Variants in TRMT44 observed in about 807,000 individuals in gnomAD.
TRMT44 encodes probable tRNA (uracil-O(2)-)-methyltransferase.
In TRMT44, 78 loss-of-function variants were observed where a neutral mutation model predicts 77.3. The ratio of observed to expected loss-of-function variants is 1.01; its 90% CI spans 0.84 to 1.22. The LOEUF is 1.22. Among genes scored for constraint, TRMT44 ranks in the 50% most tolerant of loss-of-function variants. TRMT44 has a pLI of 0.00. For synonymous variants in TRMT44, 391 were observed against 383.3 expected (o/e 1.02, Z -0.23); for missense variants, 1,090 against 964.4 (o/e 1.13, Z -1.73).
intron 9 of TRMT44, 23 bp downstream of exon 9, chr4:8,468,369 G>A (rs954020258): frequency 6.2e-7 from 1 of 1,611,828 alleles, no homozygotes; most frequent in African/African-American, 1.3e-5. Flanking sequence ...CCATCTTAGG[G>A]AGGGGCTAGC....
chr4:8,490,334 T>C (rs1259577826), intron 2 of TRMT44, among the ~76,000 whole-genome samples: 1 of 150,804 alleles, frequency 6.6e-6, no homozygotes, highest in Admixed American at 6.6e-5. Context: ...CTTAAGGTGG[T>C]GCGTCCGGAG....
At chr4:8,474,261 G>A (rs938735273) in intron 10 of TRMT44, among the ~76,000 whole-genome samples, 2 of 152,228 alleles carry the variant, frequency 1.3e-5, no homozygotes, top group Admixed American at 6.5e-5. Flanking sequence ...ACCCTTTAGA[G>A]GGTTCCAGGT....
At chr4:8,486,893 CGAGGAGCA>C (rs1046227086) in intron 2 of TRMT44, among the ~76,000 whole-genome samples, 3 of 151,664 alleles carry the variant, frequency 2.0e-5, no homozygotes, top group African/African-American at 7.3e-5. Flanking sequence ...CTCAGCCCGG[CGAGGAGCA>C]GCCCAGGGAG....
At chr4:8,455,117 T>C (rs770435988) in intron 6 of TRMT44, among the ~76,000 whole-genome samples, 2 of 152,240 alleles carry the variant, frequency 1.3e-5, no homozygotes, top group African/African-American at 2.4e-5. Context: ...AGGTGGGGGC[T>C]GTGCCCCGTG....
intron 6 of TRMT44, among the ~76,000 whole-genome samples, chr4:8,459,036 TAA>T (rs879600636): frequency 4.6e-5 from 6 of 131,574 alleles, no homozygotes; most frequent in Non-Finnish European, 4.9e-5. Flanking sequence ...CCATCTCTAC[TAA>T]AAAAAAAAAA....
downstream of TRMT44, among the ~76,000 whole-genome samples, chr4:8,480,374 T>C (rs2109212079): frequency 6.6e-6 from 1 of 152,320 alleles, no homozygotes; most frequent in South Asian, 2.1e-4. Flanking sequence ...TGTGTCCCTT[T>C]TCCCATGATG....
chr4:8,508,872 T>C, the TRMT44 span: 1 of 153,550 alleles, frequency 6.5e-6, no homozygotes, highest in Non-Finnish European at 1.4e-5. Flanking sequence ...GCCTTCCTCC[T>C]CCTCCTCCCG....
chr4:8,514,448 AT>A, the TRMT44 span, among the ~76,000 whole-genome samples: 1 of 150,680 alleles, frequency 6.6e-6, no homozygotes, highest in Non-Finnish European at 1.5e-5. Context: ...TCATTTTTGT[AT>A]TTTTTTTAGT....
At chr4:8,464,754 T>A (rs1037372687) in intron 7 of TRMT44, among the ~76,000 whole-genome samples, 4 of 152,218 alleles carry the variant, frequency 2.6e-5, no homozygotes, top group African/African-American at 4.8e-5. Flanking sequence ...ACAGGAACTG[T>A]GGAAAAAATC....
At chr4:8,458,936 C>T (rs575915350) in intron 6 of TRMT44, among the ~76,000 whole-genome samples, 1 of 151,966 alleles carries the variant, frequency 6.6e-6, no homozygotes, top group African/African-American at 2.4e-5. Flanking sequence ...CAGTGGCTCA[C>T]ACCAGCAATC....
At chr4:8,464,604 T>G (rs1389878582) in intron 7 of TRMT44, among the ~76,000 whole-genome samples, 1 of 152,212 alleles carries the variant, frequency 6.6e-6, no homozygotes. Flanking sequence ...CTCAGATTCT[T>G]CTGAGCTGTT....
chr4:8,460,564 CTCT>C (rs1489963195), intron 6 of TRMT44, among the ~76,000 whole-genome samples: 4 of 124,954 alleles, frequency 3.2e-5, no homozygotes, highest in South Asian at 2.3e-4. Context: ...GTTGGCCTCA[CTCT>C]TTTTTTTTTT....
chr4:8,463,119 G>A (rs888299759), intron 6 of TRMT44, among the ~76,000 whole-genome samples: 1 of 152,180 alleles, frequency 6.6e-6, no homozygotes, highest in African/African-American at 2.4e-5. Context: ...AAGAGTGAGT[G>A]TTCTCAGAAT....
intron 6 of TRMT44, among the ~76,000 whole-genome samples, chr4:8,462,628 C>G (rs1009658103): frequency 6.6e-6 from 1 of 152,138 alleles, no homozygotes; most frequent in African/African-American, 2.4e-5. Flanking sequence ...TTGCTTGAAC[C>G]TGGGAAGCGG....
At position 8,444,395 on chromosome 4, in the gene TRMT44, ATTGTAC is replaced by A. The variant is rs1414330941; in HGVS notation, c.620-2078_620-2073del. ...GGGGATTATAATGAATAATAACTTA[ATTGTAC>A]TTTTTTTTTTTTTTTGAGAGTAGTC... On this transcript the variant is annotated intron_variant, in intron 1 of 10. Transcript: ENST00000389737. The surrounding 1 kb of genome is among the most constrained non-coding windows in gnomAD (Gnocchi z 4.0). 1.7e-4 allele frequency among the ~76,000 whole-genome samples: 26 copies of A among 151,504 alleles called. No homozygotes were observed. The highest frequency in any genetic ancestry group is 1.7e-3 in the Admixed American group (26 of 15,208).
rs146240562 is a variant in TRMT44, at chr4:8,468,381, C to G, written c.1927+35C>G. On this transcript the variant is annotated intron_variant, in intron 9 of 10. Transcript: ENST00000389737. The stretch of plus-strand genomic sequence containing the variant: ...CCACCATCTTAGGGAGGGGCTAGCA[C>G]GCTCCCAGGCTTGAGGGCAGGAATT... 1.4e-3 allele frequency: 2,186 copies of G among 1,601,194 alleles called. 26 individuals carry two copies. In the African/African-American group the frequency reaches 0.026, roughly 19 times the overall value.
At chr4:8,499,633 T>C in the TRMT44 span, among the ~76,000 whole-genome samples, 1 of 151,270 alleles carries the variant, frequency 6.6e-6, no homozygotes, top group East Asian at 1.9e-4. Flanking sequence ...CATGCCTCTT[T>C]CACCACCACC....
chr4:8,452,834 G>A lies in TRMT44; in HGVS notation c.1024-48G>A, dbSNP rs376434493. ...CAGTTTGTGTCTAAATTATTCTTGC[G>A]TAGAGTGAATTACCACCTGACTTTG... is the stretch of plus-strand genomic sequence containing the variant. On this transcript the variant is annotated intron_variant, in intron 4 of 10. Coordinates refer to ENST00000389737, the MANE Select transcript of TRMT44 (RefSeq NM_152544.3). The surrounding 1 kb of genome is among the most constrained non-coding windows in gnomAD (Gnocchi z 5.7). The A allele has an allele frequency of 2.4e-5, 27 of 1,128,038 alleles. 1 individual carries two copies. Among genetic ancestry groups the A allele is most frequent in the African/African-American group, 1.4e-4 (9 of 62,778 alleles). 69.9% of individuals were successfully genotyped at this position (1,128,038 alleles called of 1,614,324 possible).
the TRMT44 span, among the ~76,000 whole-genome samples, chr4:8,505,583 C>A: frequency 0.012 from 1,792 of 152,284 alleles, 39 homozygotes; most frequent in East Asian, 0.043. Flanking sequence ...CCCTCCGCTG[C>A]ACTAGCTGCA....
Sources: allele counts gnomAD v4.1 joint callset (sites outside exome capture counted in the v4.1 genomes callset), GRCh38; gene constraint gnomAD v4.1.1; non-coding constraint Gnocchi (gnomAD v3.1); transcripts MANE v1.5; gene names NCBI Gene and HGNC (gene_info 2026-07-23, HGNC 2026-07-21).